CDH12: variants seen among roughly 807,000 people sequenced by gnomAD.
CDH12 encodes the protein cadherin 12.
A neutral mutation model predicts 74.1 loss-of-function variants in CDH12; 41 were observed. The ratio of observed to expected loss-of-function variants is 0.55; its 90% CI spans 0.43 to 0.72. The LOEUF (loss-of-function observed/expected upper bound fraction) is 0.72, where lower values mean the gene tolerates loss of function less well. Ranked by LOEUF, CDH12 falls within the 30% of genes least tolerant of loss-of-function variation. The pLI, the probability that CDH12 is intolerant of heterozygous loss-of-function variation, is 0.00. For synonymous variants in CDH12, 399 were observed against 355.0 expected (o/e 1.12, Z -1.39); for missense variants, 945 against 977.2 (o/e 0.97, Z 0.44).
chr5:21,809,063 C>A (rs6865643), intron 9 of CDH12, among the ~76,000 whole-genome samples: 5 of 151,966 alleles, frequency 3.3e-5, no homozygotes, highest in African/African-American at 9.7e-5. Context: ...ATATAACTTA[C>A]CTTAAAAATA....
chr5:22,327,788 G>C (rs1416266121), intron 3 of CDH12, among the ~76,000 whole-genome samples: 1 of 152,040 alleles, frequency 6.6e-6, no homozygotes, highest in Non-Finnish European at 1.5e-5. Flanking sequence ...TACATGACAT[G>C]CTTTAAATTT....
rs1215571286 is a variant in CDH12, at chr5:22,492,423, C to A, written c.-428+12847G>T. On this transcript the variant is annotated intron_variant, in intron 2 of 14. Coordinates refer to ENST00000382254, the MANE Select transcript of CDH12 (RefSeq NM_004061.5). ...AGTGCAATGGTATGACTTTGGCTCA[C>A]TGCAACCTCTGCCACCCGGGGTCAA... Among the ~76,000 whole-genome samples, 2 of 151,568 alleles carry A rather than the reference C, an allele frequency of 1.3e-5. 1 individual carries two copies. The highest frequency in any genetic ancestry group is 2.9e-5 in the Non-Finnish European group (2 of 67,980).
At chr5:22,040,148 C>A (rs1319010080) in intron 5 of CDH12, among the ~76,000 whole-genome samples, 1 of 150,854 alleles carries the variant, frequency 6.6e-6, no homozygotes, top group African/African-American at 2.4e-5. Flanking sequence ...AATCTTGAAG[C>A]TAATTCAACA....
At chr5:22,030,239 A>G (rs543125077) in intron 5 of CDH12, among the ~76,000 whole-genome samples, 1 of 152,230 alleles carries the variant, frequency 6.6e-6, no homozygotes, top group Non-Finnish European at 1.5e-5. Flanking sequence ...CATTGTACAC[A>G]TGTACCCCAA....
At chr5:21,754,933 G>T (rs1377922942) in intron 14 of CDH12, among the ~76,000 whole-genome samples, 2 of 152,130 alleles carry the variant, frequency 1.3e-5, no homozygotes, top group Non-Finnish European at 2.9e-5. Flanking sequence ...AGATATTATA[G>T]AATACATTTA....
intron 3 of CDH12, among the ~76,000 whole-genome samples, chr5:22,335,913 G>A (rs1262425871): frequency 1.3e-5 from 2 of 152,126 alleles, no homozygotes; most frequent in African/African-American, 4.8e-5. Context: ...GGAACAGTTT[G>A]GAGGGCTCAG....
chr5:22,387,603 T>C (rs1742053800), intron 3 of CDH12, among the ~76,000 whole-genome samples: 2 of 152,158 alleles, frequency 1.3e-5, no homozygotes, highest in South Asian at 4.1e-4. Flanking sequence ...ATATGTAGGA[T>C]AGAAGTCAGT....
chr5:21,848,331 A>G (rs1579827901), intron 7 of CDH12, among the ~76,000 whole-genome samples: 1 of 152,194 alleles, frequency 6.6e-6, no homozygotes, highest in South Asian at 2.1e-4. Flanking sequence ...ATTTTAATGC[A>G]CAAATATGTT....
intron 1 of CDH12, among the ~76,000 whole-genome samples, chr5:22,541,292 C>A (rs557584421): frequency 6.6e-6 from 1 of 152,324 alleles, no homozygotes; most frequent in East Asian, 1.9e-4. Context: ...TCGCCAGAAA[C>A]TCTTCATTTC....
intron 4 of CDH12, among the ~76,000 whole-genome samples, chr5:22,195,926 T>C (rs1750591161): frequency 6.6e-6 from 1 of 152,156 alleles, no homozygotes; most frequent in Non-Finnish European, 1.5e-5. Context: ...TTTCAACCTA[T>C]TAGTAGCAAT....
At chr5:22,096,883 A>T (rs1243675792) in intron 4 of CDH12, among the ~76,000 whole-genome samples, 1 of 152,184 alleles carries the variant, frequency 6.6e-6, no homozygotes, top group Non-Finnish European at 1.5e-5. Context: ...CATTAAATAA[A>T]GCTCCAAAAA....
At chr5:22,791,333 T>C (rs1419282172) in intron 1 of CDH12, among the ~76,000 whole-genome samples, 1 of 152,176 alleles carries the variant, frequency 6.6e-6, no homozygotes, top group Non-Finnish European at 1.5e-5. Context: ...CGTCTAAGTT[T>C]TCGCAGATAT....
intron 2 of CDH12, among the ~76,000 whole-genome samples, chr5:22,430,178 T>C (rs1260876166): frequency 2.0e-5 from 3 of 152,204 alleles, no homozygotes; most frequent in Admixed American, 6.5e-5. Flanking sequence ...AATCTCCCAC[T>C]GACTTAGTGT....
At chr5:22,728,954 C>G (rs375781153) in intron 1 of CDH12, among the ~76,000 whole-genome samples, 1 of 151,808 alleles carries the variant, frequency 6.6e-6, no homozygotes, top group Non-Finnish European at 1.5e-5. Flanking sequence ...GCCTCCTAGT[C>G]TCCTCTGGAT....
intron 1 of CDH12, among the ~76,000 whole-genome samples, chr5:22,804,468 A>C (rs1748685422): frequency 6.6e-6 from 1 of 152,206 alleles, no homozygotes; most frequent in Non-Finnish European, 1.5e-5. Context: ...TCTGTAGGGC[A>C]GTCAACAAGC....
Position 22,382,260 on chromosome 5 carries a change from A to C in CDH12, c.-333+22997T>G, listed in dbSNP as rs1014229790. Among the ~76,000 whole-genome samples the C allele has an allele frequency of 6.1e-5, 9 of 146,938 alleles. No individual in the cohort carries two copies. The East Asian group carries it at 1.8e-3, about 29-fold the overall frequency. ...ATTATAAAATATGTAATATTTTTAT[A>C]GAATACATATTATATATAGTCTATA... On this transcript the variant is annotated intron_variant, in intron 3 of 14. Transcript: ENST00000382254.
intron 1 of CDH12, among the ~76,000 whole-genome samples, chr5:22,710,626 T>C (rs770991492): frequency 6.6e-6 from 1 of 152,136 alleles, no homozygotes; most frequent in Non-Finnish European, 1.5e-5. Context: ...CAATTGAATA[T>C]TAGGAATTTG....
At chr5:21,922,076 T>A (rs1292454265) in intron 6 of CDH12, among the ~76,000 whole-genome samples, 2 of 152,184 alleles carry the variant, frequency 1.3e-5, no homozygotes, top group African/African-American at 4.8e-5. Context: ...AACGTCTCTG[T>A]GATTTCCACT....
At chr5:21,864,292 G>C (rs1034255557) in intron 6 of CDH12, among the ~76,000 whole-genome samples, 3 of 152,084 alleles carry the variant, frequency 2.0e-5, no homozygotes, top group Admixed American at 6.6e-5. Context: ...GTCTGTGAGG[G>C]TGTTTTCAGA....
Sources: allele counts gnomAD v4.1 joint callset (sites outside exome capture counted in the v4.1 genomes callset), GRCh38; gene constraint gnomAD v4.1.1; transcripts MANE v1.5; gene names NCBI Gene and HGNC (gene_info 2026-07-23, HGNC 2026-07-21).